ADAMTS18: variants seen among roughly 807,000 people sequenced by gnomAD.
ADAMTS18 encodes the protein ADAM metallopeptidase with thrombospondin type 1 motif 18.
ADAMTS18 carries 157 observed loss-of-function variants against 165.9 expected under a neutral mutation model. The ratio of observed to expected loss-of-function variants is 0.95; its 90% CI spans 0.83 to 1.08. The LOEUF is 1.08. Among genes scored for constraint, ADAMTS18 ranks in the 50% least tolerant of loss-of-function variants. The pLI is 0.00. For synonymous variants in ADAMTS18, 782 were observed against 578.2 expected, an observed-to-expected ratio of 1.35 and a Z score of -5.06; for missense variants, 2,040 against 1,534.0, an observed-to-expected ratio of 1.33 and a Z score of -5.51.
chr16:77,333,574 C>T (rs1463786198), intron 12 of ADAMTS18, among the ~76,000 whole-genome samples: 2 of 150,464 alleles, frequency 1.3e-5, no homozygotes, highest in Non-Finnish European at 2.9e-5. Context: ...TAAAAGCCAT[C>T]CCAAAAAAAT....
chr16:77,320,685 A>C (rs1053119136), intron 15 of ADAMTS18, among the ~76,000 whole-genome samples: 1 of 152,180 alleles, frequency 6.6e-6, no homozygotes, highest in African/African-American at 2.4e-5. Flanking sequence ...ATGTATCTTC[A>C]GTGATGAAAT....
intron 3 of ADAMTS18, among the ~76,000 whole-genome samples, chr16:77,429,403 G>A (rs972266615): frequency 6.6e-6 from 1 of 152,162 alleles, no homozygotes; most frequent in African/African-American, 2.4e-5. Flanking sequence ...TGAACACAAA[G>A]AAGGGAACAA....
chr16:77,377,439 A>G (rs2056969468), intron 3 of ADAMTS18, among the ~76,000 whole-genome samples: 1 of 152,242 alleles, frequency 6.6e-6, no homozygotes, highest in Non-Finnish European at 1.5e-5. Flanking sequence ...CCTATTAAAT[A>G]ATCAAAATTT....
At chr16:77,352,173 AT>A (rs1438448368) in intron 10 of ADAMTS18, among the ~76,000 whole-genome samples, 6 of 152,222 alleles carry the variant, frequency 3.9e-5, no homozygotes. Flanking sequence ...TAGAAAAAAA[AT>A]GTAATCCCAT....
chr16:77,372,489 G>C (rs2056890124), intron 3 of ADAMTS18, among the ~76,000 whole-genome samples: 1 of 152,188 alleles, frequency 6.6e-6, no homozygotes. Context: ...AGGAGCTGTG[G>C]CATCGACATG....
chr16:77,400,450 GTGTGTC>G (rs746478705), intron 3 of ADAMTS18, among the ~76,000 whole-genome samples: 7,247 of 84,104 alleles, frequency 0.086, 268 homozygotes, highest in East Asian at 0.18. Context: ...GTGTGTGTGT[GTGTGTC>G]TGTGTGTGTG....
chr16:77,426,501 G>C (rs1474309768), intron 3 of ADAMTS18, among the ~76,000 whole-genome samples: 1 of 152,162 alleles, frequency 6.6e-6, no homozygotes, highest in African/African-American at 2.4e-5. Context: ...AACTTCACCA[G>C]CTCCCCACTT....
intron 12 of ADAMTS18, among the ~76,000 whole-genome samples, chr16:77,330,969 C>CA (rs2056179270): frequency 1.3e-5 from 2 of 152,148 alleles, no homozygotes; most frequent in South Asian, 2.1e-4. Context: ...GAAATAAGAA[C>CA]AGAGACAGAA....
At position 77,293,116 on chromosome 16, in the gene ADAMTS18, T is replaced by C. The variant is rs369716907; in HGVS notation, c.3149A>G (p.Lys1050Arg). Residue 1050 changes from lysine (K) to arginine (R), a missense_variant, in exon 20 of 23, where the codon AAG becomes AGG. Transcript: ENST00000282849. ...AGCGACCCACTGTAGCCGGCTGTTC[T>C]TGGGGCATCGTCCAAGCACACAGCC... ...QEGCVLGRCPKNSRLQWVASS... is the reference protein window; with the variant it reads ...QEGCVLGRCPRNSRLQWVASS... 27 of 1,613,956 alleles carry C rather than the reference T, an allele frequency of 1.7e-5. No homozygotes were observed. The highest frequency in any genetic ancestry group is 1.1e-4 in the South Asian group (10 of 91,056).
At position 77,364,403 on chromosome 16, in the gene ADAMTS18, T is replaced by C. The variant is rs1264340026; in HGVS notation, c.779-22A>G. 2.5e-6 allele frequency: 4 copies of C among 1,611,270 alleles called. No individual in the cohort carries two copies. The Admixed American group carries it at 6.7e-5, about 27-fold the overall frequency. On this transcript the variant is annotated intron_variant, in intron 4 of 22. Coordinates refer to ENST00000282849, the MANE Select transcript of ADAMTS18 (RefSeq NM_199355.4). ...GCATCTACGATGAACAGAAGAGCAT[T>C]TGGAAGGGATATTAGAGAATATCTG...
intron 8 of ADAMTS18, among the ~76,000 whole-genome samples, chr16:77,357,310 C>A (rs2056646227): frequency 1.3e-5 from 2 of 152,020 alleles, no homozygotes; most frequent in South Asian, 4.2e-4. Flanking sequence ...AGTAGCAGGG[C>A]AACTGTATGC....
chr16:77,399,287 G>A (rs546797589), intron 3 of ADAMTS18, among the ~76,000 whole-genome samples: 1 of 152,330 alleles, frequency 6.6e-6, no homozygotes, highest in African/African-American at 2.4e-5. Context: ...GGATGGTGAG[G>A]ATGAAGCAGA....
At chr16:77,381,316 C>A (rs1416337464) in intron 3 of ADAMTS18, among the ~76,000 whole-genome samples, 1 of 152,086 alleles carries the variant, frequency 6.6e-6, no homozygotes, top group Admixed American at 6.5e-5. Context: ...TGGGGGACAG[C>A]TGAAATGCTG....
intron 2 of ADAMTS18, among the ~76,000 whole-genome samples, chr16:77,433,849 T>C (rs1396841948): frequency 6.6e-6 from 1 of 152,070 alleles, no homozygotes; most frequent in Non-Finnish European, 1.5e-5. Flanking sequence ...AGTTTGTGGC[T>C]GGCGAACGTC....
chr16:77,368,871 AC>A (rs1458719950), intron 3 of ADAMTS18, among the ~76,000 whole-genome samples: 1 of 152,128 alleles, frequency 6.6e-6, no homozygotes, highest in East Asian at 1.9e-4. Flanking sequence ...GAAAGGGGAG[AC>A]CCTGGGAAGC....
rs144435662 is a variant in ADAMTS18, at chr16:77,393,346, G to T, written c.496-25623C>A. ...CATTCATCCAATAGGGAAGCAGGCT[G>T]GTTTGAGCCAGCAGGGGCTAGGCTG... On this transcript the variant is annotated intron_variant, in intron 3 of 22. Transcript: ENST00000282849. Among the ~76,000 whole-genome samples, 4 of 152,290 alleles carry T rather than the reference G, an allele frequency of 2.6e-5. No individual in the cohort carries two copies. The East Asian group carries it at 7.7e-4, about 29-fold the overall frequency.
intron 3 of ADAMTS18, among the ~76,000 whole-genome samples, chr16:77,404,445 C>T (rs2057369769): frequency 6.6e-6 from 1 of 152,014 alleles, no homozygotes; most frequent in Non-Finnish European, 1.5e-5. Flanking sequence ...AAGTTCTTCT[C>T]TATAAGTCTG....
rs76875909 is a variant in ADAMTS18 at position 77,320,994 on chromosome 16, G to A, written c.2287+85C>T. The A allele has an allele frequency of 2.0e-5, 31 of 1,548,678 alleles. No homozygotes were observed. The South Asian group carries it at 2.2e-4, about 11-fold the overall frequency. On this transcript the variant is annotated intron_variant, in intron 15 of 22. Coordinates refer to ENST00000282849, the MANE Select transcript of ADAMTS18 (RefSeq NM_199355.4). The stretch of plus-strand genomic sequence containing the variant: ...AGTGTGTCCAGTGAACTAGTAAAAG[G>A]CTCAACCACATTTGGCGTGACTCAA...
chr16:77,431,290 C>A lies in ADAMTS18; in HGVS notation c.495+5G>T, dbSNP rs1205046884. 1 of 1,614,148 alleles carries A rather than the reference C, an allele frequency of 6.2e-7. No homozygotes were observed. The highest frequency in any genetic ancestry group is 1.1e-5 in the South Asian group (1 of 91,072). ...GGAGCTCAACTCAGACTGGGGTGTA[C>A]TTACCAAGCCAGCACACGTAGACAC... On this transcript the variant is annotated splice_donor_5th_base_variant and intron_variant, in intron 3 of 22. Coordinates refer to ENST00000282849, the MANE Select transcript of ADAMTS18 (RefSeq NM_199355.4).
Sources: gnomAD v4.1 joint callset for allele counts (sites outside exome capture counted in the v4.1 genomes callset) on GRCh38, gnomAD v4.1.1 for gene constraint, MANE v1.5 for transcripts, NCBI Gene and HGNC (gene_info 2026-07-23, HGNC 2026-07-21) for gene names.